Variants in SGCE observed in about 807,000 individuals in gnomAD.
SGCE encodes sarcoglycan epsilon.
In SGCE, 26 loss-of-function variants were observed where a neutral mutation model predicts 57.8. The observed-to-expected ratio is 0.45, with a 90% confidence interval of 0.33 to 0.62. SGCE has a LOEUF of 0.62. Ranked by LOEUF, SGCE falls within the 20% of genes least tolerant of loss-of-function variation. The pLI is 0.02. For missense variants in SGCE, 468 were observed against 548.6 expected (o/e 0.85, Z 1.47); for synonymous variants, 183 against 189.5 (o/e 0.97, Z 0.28).
At chr7:94,602,596 A>AG (rs1184829183) in intron 6 of SGCE, among the ~76,000 whole-genome samples, 2 of 152,056 alleles carry the variant, frequency 1.3e-5, no homozygotes, top group Non-Finnish European at 2.9e-5. Context: ...GAAAAAAAAA[A>AG]CAAAGAATTG....
At chr7:94,586,228 A>T (rs907916863) in intron 10 of SGCE, among the ~76,000 whole-genome samples, 11 of 152,156 alleles carry the variant, frequency 7.2e-5, no homozygotes, top group African/African-American at 2.7e-4. Flanking sequence ...GTTCTGTGGT[A>T]CTTGGAAAAC....
intron 1 of SGCE, among the ~76,000 whole-genome samples, chr7:94,635,788 G>T (rs1805526852): frequency 2.6e-5 from 4 of 152,152 alleles, no homozygotes; most frequent in Admixed American, 2.6e-4. Flanking sequence ...TTCTCACTAA[G>T]ATTTACCTTG....
chr7:94,655,770 C>T (rs1346286658), intron 1 of SGCE, among the ~76,000 whole-genome samples: 1 of 57,714 alleles, frequency 1.7e-5, no homozygotes, highest in South Asian at 3.7e-4. Flanking sequence ...CGCGGGGGCG[C>T]GGAGAGGAAA....
At chr7:94,604,455 A>G (rs2116734944) in intron 5 of SGCE, among the ~76,000 whole-genome samples, 1 of 151,942 alleles carries the variant, frequency 6.6e-6, no homozygotes, top group African/African-American at 2.4e-5. Context: ...AGGAAAAACA[A>G]ATTTGGAAAA....
chr7:94,631,029 C>T (rs893225106), intron 1 of SGCE, among the ~76,000 whole-genome samples: 3 of 151,944 alleles, frequency 2.0e-5, no homozygotes, highest in South Asian at 4.1e-4. Context: ...TGTAGCTTCA[C>T]GTATCTACAG....
intron 9 of SGCE, chr7:94,598,198 T>C (rs1201398617): frequency 1.9e-5 from 3 of 161,370 alleles, no homozygotes; most frequent in Non-Finnish European, 2.7e-5. Flanking sequence ...CTCACCCTTG[T>C]CTACTCCTTA....
chr7:94,589,783 A>C (rs1318617727), intron 9 of SGCE: 1 of 189,078 alleles, frequency 5.3e-6, no homozygotes, highest in Non-Finnish European at 1.1e-5. Context: ...TAGTTGCAGG[A>C]AAACAAGCTG....
At chr7:94,631,891 C>G (rs1804782183) in intron 1 of SGCE, among the ~76,000 whole-genome samples, 1 of 151,996 alleles carries the variant, frequency 6.6e-6, no homozygotes, top group African/African-American at 2.4e-5. Context: ...TTATCTAATT[C>G]ATTCTTTCTA....
chr7:94,590,100 A>G (rs553622311), intron 9 of SGCE: 3 of 152,198 alleles, frequency 2.0e-5, no homozygotes, highest in Non-Finnish European at 2.9e-5. Context: ...TCACTCCTAC[A>G]TGGAGTGCCC....
At chr7:94,620,857 G>T (rs1439036608) in intron 4 of SGCE, 1 of 152,220 alleles carries the variant, frequency 6.6e-6, no homozygotes, top group Admixed American at 6.5e-5. Flanking sequence ...CCATCCAAGA[G>T]CTGCTGCCAG....
chr7:94,599,016 A>C, intron 8 of SGCE, 53 bp from the exon 9 acceptor site: 1 of 1,312,286 alleles, frequency 7.6e-7, no homozygotes, highest in Non-Finnish European at 1.1e-6. Context: ...TATTAGCCTG[A>C]TGGGTCATCA....
Position 94,621,511 on chromosome 7 carries a change from G to C in SGCE, c.463+1814C>G, listed in dbSNP as rs549844056. The C allele has an allele frequency of 2.0e-5, 3 of 152,282 alleles. No individual in the cohort carries two copies. The East Asian group carries it at 5.8e-4, about 29-fold the overall frequency. The allele number at this position is 152,282 out of a possible 1,614,324, so 9.4% of individuals were successfully genotyped here. On this transcript the variant is annotated intron_variant, in intron 4 of 10. Coordinates refer to ENST00000648936, the MANE Select transcript of SGCE (RefSeq NM_003919.3). Reference sequence around the variant, plus strand: ...TCATACGTCAACAACAACATCTATTGAGATGCCTTGAGTAATCTGTATCTA... The same window carrying C: ...TCATACGTCAACAACAACATCTATTCAGATGCCTTGAGTAATCTGTATCTA...
chr7:94,603,472 T>A lies in SGCE; in HGVS notation c.663-20A>T, dbSNP rs377151565. 1.9e-6 allele frequency: 3 copies of A among 1,610,212 alleles called. No individual in the cohort carries two copies. Among genetic ancestry groups the A allele is most frequent in the Non-Finnish European group, 2.5e-6 (3 of 1,176,990 alleles). On this transcript the variant is annotated intron_variant, in intron 5 of 10. Coordinates refer to ENST00000648936, the MANE Select transcript of SGCE (RefSeq NM_003919.3). ...TAAACGCTGTAAAAATGTGAAACTC[T>A]CAGGTTATCCTTTAAGAAAATTGAA...
Position 94,585,260 on chromosome 7 carries a change from C to A in SGCE, c.*239G>T. On this transcript the variant is annotated 3_prime_UTR_variant, in exon 11 of 11. Transcript: ENST00000648936. Reference sequence around the variant, plus strand: ...TAATAATATTTATTTTAAAGATCAACTTTTATTGTAACAAATATAAAGTCA... The same window carrying A: ...TAATAATATTTATTTTAAAGATCAAATTTTATTGTAACAAATATAAAGTCA... The A allele has an allele frequency of 6.6e-6, 3 of 454,174 alleles. No homozygotes were observed. The highest frequency in any genetic ancestry group is 1.2e-5 in the Non-Finnish European group (3 of 254,912). 28.1% of individuals were successfully genotyped at this position (454,174 alleles called of 1,614,324 possible).
At chr7:94,615,311 A>T (rs1410465781) in intron 5 of SGCE, among the ~76,000 whole-genome samples, 2 of 152,058 alleles carry the variant, frequency 1.3e-5, no homozygotes, top group Admixed American at 6.6e-5. Context: ...GTGAGTCGAG[A>T]TCCCACCACT....
chr7:94,599,611 A>T, intron 8 of SGCE, 86 bp downstream of exon 8: 1 of 1,011,532 alleles, frequency 9.9e-7, no homozygotes, highest in South Asian at 1.4e-5. Flanking sequence ...AATGAAAAAA[A>T]GCTTGACACA....
intron 5 of SGCE, among the ~76,000 whole-genome samples, chr7:94,613,128 G>A (rs541039547): frequency 2.0e-3 from 305 of 152,234 alleles, no homozygotes; most frequent in African/African-American, 7.1e-3. Context: ...AAAAACAAAC[G>A]GAACACAGAT....
chr7:94,615,035 C>T (rs1801663051), intron 5 of SGCE, among the ~76,000 whole-genome samples: 1 of 151,954 alleles, frequency 6.6e-6, no homozygotes, highest in Non-Finnish European at 1.5e-5. Flanking sequence ...GATATTTGTA[C>T]CAAAATTATA....
At chr7:94,601,121 C>T (rs1489224054) in intron 6 of SGCE, among the ~76,000 whole-genome samples, 3 of 151,950 alleles carry the variant, frequency 2.0e-5, no homozygotes, top group East Asian at 1.9e-4. Flanking sequence ...ACATATTTAA[C>T]GTGTGTGCCT....
Sources: gnomAD v4.1 joint callset for allele counts (sites outside exome capture counted in the v4.1 genomes callset) on GRCh38, gnomAD v4.1.1 for gene constraint, MANE v1.5 for transcripts, NCBI Gene and HGNC (gene_info 2026-07-23, HGNC 2026-07-21) for gene names.